Variants in FAM227A observed in about 807,000 individuals in gnomAD.
The protein encoded by FAM227A is family with sequence similarity 227 member A.
FAM227A carries 80 observed loss-of-function variants against 74.7 expected under a neutral mutation model. That is an observed-to-expected ratio of 1.07 (90% confidence interval 0.89 to 1.29). The LOEUF (loss-of-function observed/expected upper bound fraction) is 1.29, where lower values mean the gene tolerates loss of function less well. Among genes scored for constraint, FAM227A ranks in the 50% most tolerant of loss-of-function variants. The probability of loss-of-function intolerance (pLI) is 0.00; values close to 1 mark genes in which losing one functional copy is unlikely to be tolerated. For missense variants in FAM227A, 654 were observed against 683.4 expected, an observed-to-expected ratio of 0.96 and a Z score of 0.48; for synonymous variants, 237 against 241.8, an observed-to-expected ratio of 0.98 and a Z score of 0.19.
At chr22:38,630,316 C>T (rs553294210) in intron 6 of FAM227A, among the ~76,000 whole-genome samples, 4 of 152,356 alleles carry the variant, frequency 2.6e-5, no homozygotes, top group Non-Finnish European at 4.4e-5. Context: ...CTCTGAGCCC[C>T]GCTCTTTGCT....
rs927186371 is a variant in FAM227A, at chr22:38,599,758, G to A, written c.1379+6C>T. The A allele has an allele frequency of 7.1e-6, 11 of 1,550,018 alleles. No individual in the cohort carries two copies. In the Middle Eastern group the frequency reaches 1.2e-3, roughly 165 times the overall value. On this transcript the variant is annotated splice_donor_region_variant and intron_variant, in intron 14 of 16. Coordinates refer to ENST00000535113, the MANE Select transcript of FAM227A (RefSeq NM_001013647.2). ...GTGCGCACCCTGCCCACAGTGACAA[G>A]GATATGGGGTGCTCGTGGTCTTTTC...
At chr22:38,655,202 T>C (rs970637153) in intron 1 of FAM227A, among the ~76,000 whole-genome samples, 1 of 151,162 alleles carries the variant, frequency 6.6e-6, no homozygotes, top group African/African-American at 2.4e-5. Context: ...ACTCCATAGA[T>C]AGAACAGCCA....
chr22:38,648,330 G>C (rs188451542), intron 2 of FAM227A, among the ~76,000 whole-genome samples: 1 of 151,998 alleles, frequency 6.6e-6, no homozygotes, highest in East Asian at 1.9e-4. Flanking sequence ...AAAAAGGCTG[G>C]GTGCAGTGGC....
At chr22:38,643,595 G>A (rs770229416) in intron 3 of FAM227A, among the ~76,000 whole-genome samples, 6 of 151,954 alleles carry the variant, frequency 3.9e-5, no homozygotes, top group African/African-American at 1.2e-4. Flanking sequence ...AGCGTTTGCC[G>A]GTTTCTTACA....
In FAM227A at chr22:38,579,339, G is replaced by A. The variant is rs2090686780; in HGVS notation, c.*6786C>T. Reference sequence around the variant, plus strand: ...ACACATGAAGTATGTGGGCTCCTGTGTGGAGAACTGATTGGAGGGGCAAGA... The same window carrying A: ...ACACATGAAGTATGTGGGCTCCTGTATGGAGAACTGATTGGAGGGGCAAGA... On this transcript the variant is annotated 3_prime_UTR_variant, in exon 17 of 17. Coordinates refer to ENST00000535113, the MANE Select transcript of FAM227A (RefSeq NM_001013647.2). 1 of 152,222 alleles carries A rather than the reference G, an allele frequency of 6.6e-6. No homozygotes were observed. The allele number at this position is 152,222 out of a possible 1,614,324, so 9.4% of individuals were successfully genotyped here.
chr22:38,582,994 G>A lies in FAM227A; in HGVS notation c.*3131C>T. 6.5e-7 allele frequency: 1 copy of A among 1,540,012 alleles called. No individual in the cohort carries two copies. Among genetic ancestry groups the A allele is most frequent in the African/African-American group, 1.4e-5 (1 of 72,894 alleles). On this transcript the variant is annotated 3_prime_UTR_variant, in exon 17 of 17. Coordinates refer to ENST00000535113, the MANE Select transcript of FAM227A (RefSeq NM_001013647.2). ...GGAGAAGGCATTTTCAGGTCCAGAA[G>A]CAGCAACAGACAAAAGATCCAGAAA...
In FAM227A at chr22:38,656,330, C is replaced by A. The variant is rs749563412; in HGVS notation, c.-305G>T. On this transcript the variant is annotated 5_prime_UTR_variant, in exon 1 of 17. Coordinates refer to ENST00000535113, the MANE Select transcript of FAM227A (RefSeq NM_001013647.2). ...AGTCCAGGCGTTCTCTAGGCAACGC[C>A]GGCGCGGTCTCCACTTTCCCGTTTA... The A allele has an allele frequency of 1.3e-5, 2 of 152,296 alleles. No homozygotes were observed. The highest frequency in any genetic ancestry group is 6.5e-5 in the Admixed American group (1 of 15,286). 9.4% of individuals were successfully genotyped at this position (152,296 alleles called of 1,614,324 possible).
chr22:38,655,108 C>T (rs1157132379), intron 1 of FAM227A, among the ~76,000 whole-genome samples: 1 of 150,826 alleles, frequency 6.6e-6, no homozygotes, highest in Non-Finnish European at 1.5e-5. Flanking sequence ...CCACTGCACT[C>T]CAGCCTGGGC....
rs2090699885 is a variant in FAM227A at position 38,580,777 on chromosome 22, T to C, written c.*5348A>G. On this transcript the variant is annotated 3_prime_UTR_variant, in exon 17 of 17. Transcript: ENST00000535113. Reference sequence around the variant, plus strand: ...CTAGTATCCAATTAGTTTCCTCCTTTCCCCTTTCCTTTTTTATCTTTGAGA... The same window carrying C: ...CTAGTATCCAATTAGTTTCCTCCTTCCCCCTTTCCTTTTTTATCTTTGAGA... The C allele has an allele frequency of 6.6e-6, 1 of 152,134 alleles. No individual in the cohort carries two copies. The highest frequency in any genetic ancestry group is 1.5e-5 in the Non-Finnish European group (1 of 68,028). 9.4% of individuals were successfully genotyped at this position (152,134 alleles called of 1,614,324 possible).
At chr22:38,609,592 C>T (rs541282894) in intron 11 of FAM227A, among the ~76,000 whole-genome samples, 1 of 152,300 alleles carries the variant, frequency 6.6e-6, no homozygotes, top group Non-Finnish European at 1.5e-5. Context: ...GCCTCAACAA[C>T]AACCGTTTGC....
intron 11 of FAM227A, 119 bp from the exon 12 acceptor site, chr22:38,607,595 G>T: frequency 1.4e-6 from 1 of 736,718 alleles, no homozygotes; most frequent in Non-Finnish European, 2.3e-6. Context: ...ATTTCTTACT[G>T]TTCTCAGCAA....
At position 38,579,884 on chromosome 22, in the gene FAM227A, C is replaced by A. The variant is rs1439520904; in HGVS notation, c.*6241G>T. The A allele has an allele frequency of 6.6e-6, 1 of 152,044 alleles. No individual in the cohort carries two copies. Among genetic ancestry groups the A allele is most frequent in the Middle Eastern group, 3.4e-3 (1 of 294 alleles). The allele number at this position is 152,044 out of a possible 1,614,324, so 9.4% of individuals were successfully genotyped here. Reference sequence around the variant, plus strand: ...ATGCCACATTTTGTTTCAATGGGATCCAAATAATGTCCACATGTTGTAATT... The same window carrying A: ...ATGCCACATTTTGTTTCAATGGGATACAAATAATGTCCACATGTTGTAATT... On this transcript the variant is annotated 3_prime_UTR_variant, in exon 17 of 17. Coordinates refer to ENST00000535113, the MANE Select transcript of FAM227A (RefSeq NM_001013647.2).
Position 38,583,895 on chromosome 22 carries a change from C to G in FAM227A, c.*2230G>C, listed in dbSNP as rs1182601236. 1.3e-5 allele frequency: 2 copies of G among 152,332 alleles called. No homozygotes were observed. The highest frequency in any genetic ancestry group is 4.8e-5 in the African/African-American group (2 of 41,464). The allele number at this position is 152,332 out of a possible 1,614,324, so 9.4% of individuals were successfully genotyped here. A position where few individuals can be genotyped will look rare whatever the true frequency, so the allele number is the denominator to read the frequency against. ...TTATCTGCTGCTTGGTTTGGGCAAA[C>G]AGCCATCTGCACCATTTCTTTCCTC... On this transcript the variant is annotated 3_prime_UTR_variant, in exon 17 of 17. Coordinates refer to ENST00000535113, the MANE Select transcript of FAM227A (RefSeq NM_001013647.2).
chr22:38,588,544 G>A (rs1282914544), intron 16 of FAM227A, among the ~76,000 whole-genome samples: 2 of 150,176 alleles, frequency 1.3e-5, no homozygotes, highest in Non-Finnish European at 3.0e-5. Flanking sequence ...ATTTGAACCC[G>A]GGAAGTGGAG....
At chr22:38,629,664 C>G (rs1051811395) in intron 6 of FAM227A, among the ~76,000 whole-genome samples, 2 of 152,100 alleles carry the variant, frequency 1.3e-5, no homozygotes, top group African/African-American at 4.8e-5. Flanking sequence ...ACAGGTGCCT[C>G]TCCTTTACCA....
At chr22:38,652,505 G>A (rs541942987) in intron 1 of FAM227A, among the ~76,000 whole-genome samples, 2 of 151,056 alleles carry the variant, frequency 1.3e-5, no homozygotes, top group Admixed American at 1.3e-4. Context: ...GGAGAATGGC[G>A]TGAACCCAGG....
In FAM227A at chr22:38,602,206, C is replaced by G. The variant is rs78944958; in HGVS notation, c.1222-2285G>C. Reference sequence around the variant, plus strand: ...CCAGCAAGGTTTCTCAACTTCAGCACTACTGACATTTGGGGCTGGATATTT... The same window carrying G: ...CCAGCAAGGTTTCTCAACTTCAGCAGTACTGACATTTGGGGCTGGATATTT... On this transcript the variant is annotated intron_variant, in intron 13 of 16. Transcript: ENST00000535113. 5.2e-3 allele frequency among the ~76,000 whole-genome samples: 799 copies of G among 152,284 alleles called. 4 individuals carry two copies. Among genetic ancestry groups the G allele is most frequent in the African/African-American group, 0.019 (773 of 41,554 alleles).
intron 13 of FAM227A, among the ~76,000 whole-genome samples, chr22:38,600,584 C>T (rs1476611639): frequency 2.6e-5 from 4 of 151,890 alleles, no homozygotes; most frequent in Non-Finnish European, 4.4e-5. Flanking sequence ...GTAATCTGCC[C>T]GCCTTGGCCT....
At chr22:38,617,397 G>T (rs949773773) in intron 11 of FAM227A, among the ~76,000 whole-genome samples, 5 of 150,302 alleles carry the variant, frequency 3.3e-5, no homozygotes, top group African/African-American at 9.8e-5. Context: ...CCGGGTTAAA[G>T]CAAATCTCTT....
Sources: gnomAD v4.1 joint callset for allele counts (sites outside exome capture counted in the v4.1 genomes callset) on GRCh38, gnomAD v4.1.1 for gene constraint, MANE v1.5 for transcripts, NCBI Gene and HGNC (gene_info 2026-07-23, HGNC 2026-07-21) for gene names.